Variants in GRID2 observed in about 807,000 individuals in gnomAD.
GRID2 encodes glutamate receptor ionotropic, delta-2.
A neutral mutation model predicts 114.8 loss-of-function variants in GRID2; 33 were observed. The observed-to-expected ratio is 0.29, with a 90% confidence interval of 0.22 to 0.38. The LOEUF (loss-of-function observed/expected upper bound fraction) is 0.38. Among genes scored for constraint, GRID2 ranks in the 10% least tolerant of loss-of-function variants. The pLI, the probability that GRID2 is intolerant of heterozygous loss-of-function variation, is 1.00. For synonymous variants in GRID2, 505 were observed against 449.9 expected (o/e 1.12, Z -1.55); for missense variants, 1,184 against 1,257.7 (o/e 0.94, Z 0.89).
chr4:93,549,199 G>A (rs572675516), intron 13 of GRID2, among the ~76,000 whole-genome samples: 6 of 152,176 alleles, frequency 3.9e-5, no homozygotes, highest in South Asian at 2.1e-4. Flanking sequence ...AACCAAGATC[G>A]CACTATTTTT....
At chr4:92,590,321 TCAATTCAAGTGG>T in intron 2 of GRID2, 35 bp downstream of exon 2, 1 of 1,468,668 alleles carries the variant, frequency 6.8e-7, no homozygotes. Flanking sequence ...GTTTTTTGGT[TCAATTCAAGTGG>T]CAATGAAATT....
At chr4:92,762,734 A>C (rs533957266) in intron 2 of GRID2, among the ~76,000 whole-genome samples, 17 of 152,286 alleles carry the variant, frequency 1.1e-4, no homozygotes, top group African/African-American at 3.6e-4. Context: ...AAGACTTTCC[A>C]AAGGAATAGA....
intron 2 of GRID2, among the ~76,000 whole-genome samples, chr4:92,861,905 C>T (rs1193482972): frequency 6.6e-6 from 1 of 151,998 alleles, no homozygotes; most frequent in Non-Finnish European, 1.5e-5. Flanking sequence ...TATCTCTTAT[C>T]ACTTTATATA....
chr4:92,597,525 T>C (rs1373660747), intron 2 of GRID2, among the ~76,000 whole-genome samples: 2 of 152,196 alleles, frequency 1.3e-5, no homozygotes, highest in African/African-American at 4.8e-5. Flanking sequence ...TAGCAATTTG[T>C]GCTGCTCTGG....
At chr4:92,646,380 C>T (rs1459582705) in intron 2 of GRID2, among the ~76,000 whole-genome samples, 2 of 152,200 alleles carry the variant, frequency 1.3e-5, no homozygotes, top group African/African-American at 4.8e-5. Flanking sequence ...AAATATATTA[C>T]ATTATTAACC....
At chr4:93,436,959 CAAAATAATGTAAATGTG>C (rs1721143631) in intron 10 of GRID2, among the ~76,000 whole-genome samples, 1 of 151,886 alleles carries the variant, frequency 6.6e-6, no homozygotes, top group Non-Finnish European at 1.5e-5. Context: ...TTTTATTTTA[CAAAATAATGTAAATGTG>C]TTATATATGC....
chr4:93,645,202 G>A (rs761350073), intron 14 of GRID2, among the ~76,000 whole-genome samples: 1 of 152,138 alleles, frequency 6.6e-6, no homozygotes, highest in East Asian at 1.9e-4. Context: ...AACGGAAAGA[G>A]GGGAGCAAAA....
At chr4:92,670,795 A>C (rs1379910062) in intron 2 of GRID2, among the ~76,000 whole-genome samples, 1 of 152,072 alleles carries the variant, frequency 6.6e-6, no homozygotes, top group East Asian at 1.9e-4. Context: ...TACAAATGAG[A>C]AAACCGGGGC....
intron 2 of GRID2, among the ~76,000 whole-genome samples, chr4:92,633,519 C>G (rs143946009): frequency 1.3e-5 from 2 of 152,262 alleles, no homozygotes; most frequent in South Asian, 2.1e-4. Context: ...TAGATCCTAA[C>G]TACCTGGTTT....
chr4:92,433,651 G>C lies in GRID2; in HGVS notation c.88+128907G>C, dbSNP rs191381187. Among the ~76,000 whole-genome samples the C allele has an allele frequency of 2.0e-5, 3 of 152,278 alleles. No homozygotes were observed. In the East Asian group the frequency reaches 5.8e-4, roughly 29 times the overall value. On this transcript the variant is annotated intron_variant, in intron 1 of 15. Coordinates refer to ENST00000282020, the MANE Select transcript of GRID2 (RefSeq NM_001510.4). ...CAAGACTGTCTTTCCACCCCCTTCA[G>C]TGCCTCTGTCCTCAATATAATGTTA... is the stretch of plus-strand genomic sequence containing the variant.
At chr4:93,392,535 G>T (rs1764955721) in intron 8 of GRID2, among the ~76,000 whole-genome samples, 1 of 152,010 alleles carries the variant, frequency 6.6e-6, no homozygotes, top group Non-Finnish European at 1.5e-5. Flanking sequence ...AAACAAAAAA[G>T]CTTGAAATGA....
intron 8 of GRID2, among the ~76,000 whole-genome samples, chr4:93,366,156 G>A (rs181730655): frequency 1.3e-5 from 2 of 152,274 alleles, no homozygotes; most frequent in South Asian, 2.1e-4. Context: ...AATTGTTCAG[G>A]GAATAAGAGA....
In GRID2 at chr4:93,176,385, T is replaced by G. The variant is rs1054049154; in HGVS notation, c.736-31019T>G. 6.6e-5 allele frequency among the ~76,000 whole-genome samples: 10 copies of G among 152,194 alleles called. 1 individual carries two copies. The highest frequency in any genetic ancestry group is 1.5e-5 in the Non-Finnish European group (1 of 68,030). ...AAAGAATTGTCTTCCTTTCATTCTT[T>G]GAAAGATGATAGTTCATTCTGACTC... On this transcript the variant is annotated intron_variant, in intron 4 of 15. Transcript: ENST00000282020.
intron 14 of GRID2, among the ~76,000 whole-genome samples, chr4:93,741,202 T>TATAC (rs1731386547): frequency 2.6e-5 from 1 of 37,868 alleles, no homozygotes; most frequent in African/African-American, 7.5e-5. Context: ...TATATATATG[T>TATAC]ATATATATAT....
intron 1 of GRID2, among the ~76,000 whole-genome samples, chr4:92,544,899 T>C (rs575915238): frequency 6.6e-6 from 1 of 152,274 alleles, no homozygotes; most frequent in East Asian, 1.9e-4. Flanking sequence ...TTATGTTCAA[T>C]GACAGGGATT....
At chr4:93,686,197 C>T (rs1308333767) in intron 14 of GRID2, among the ~76,000 whole-genome samples, 1 of 151,992 alleles carries the variant, frequency 6.6e-6, no homozygotes, top group Non-Finnish European at 1.5e-5. Flanking sequence ...CACCCAATTA[C>T]CTAGCAGATG....
chr4:93,152,571 G>A (rs1256600937), intron 4 of GRID2, among the ~76,000 whole-genome samples: 1 of 152,088 alleles, frequency 6.6e-6, no homozygotes, highest in African/African-American at 2.4e-5. Context: ...AGCTCATTGT[G>A]TATTTAAAGT....
At chr4:92,620,529 T>C (rs1019724188) in intron 2 of GRID2, among the ~76,000 whole-genome samples, 44 of 151,908 alleles carry the variant, frequency 2.9e-4, no homozygotes, top group African/African-American at 8.7e-4. Flanking sequence ...TGGACAAGTA[T>C]ACAATTAGCA....
intron 14 of GRID2, among the ~76,000 whole-genome samples, chr4:93,644,419 T>TA (rs1053706833): frequency 1.9e-4 from 29 of 152,154 alleles, no homozygotes; most frequent in African/African-American, 5.5e-4. Flanking sequence ...ACTGGCACGC[T>TA]AAAAAAAATC....
Sources: allele counts gnomAD v4.1 joint callset (sites outside exome capture counted in the v4.1 genomes callset), GRCh38; gene constraint gnomAD v4.1.1; transcripts MANE v1.5; gene names NCBI Gene and HGNC (gene_info 2026-07-23, HGNC 2026-07-21).